The following RORA variants were observed in gnomAD, a reference collection of about 807,000 sequenced individuals.
RORA encodes the protein nuclear receptor ROR-alpha.
In RORA, 7 loss-of-function variants were observed where a neutral mutation model predicts 69.5. The ratio of observed to expected loss-of-function variants is 0.10; its 90% CI spans 0.06 to 0.19. The LOEUF (loss-of-function observed/expected upper bound fraction) is 0.19. Among genes scored for constraint, RORA ranks in the 10% least tolerant of loss-of-function variants. The probability of loss-of-function intolerance (pLI) is 1.00; values close to 1 mark genes in which losing one functional copy is unlikely to be tolerated. For missense variants in RORA, 457 were observed against 663.0 expected (o/e 0.69, Z 3.41); for synonymous variants, 261 against 240.8 (o/e 1.08, Z -0.78).
chr15:60,597,717 T>C (rs1046960674), intron 2 of RORA, among the ~76,000 whole-genome samples: 2 of 145,784 alleles, frequency 1.4e-5, no homozygotes, highest in Admixed American at 7.0e-5. Flanking sequence ...AGTTTCACAC[T>C]TGTCATTAGC....
chr15:60,589,955 G>A (rs1309340412), intron 2 of RORA, among the ~76,000 whole-genome samples: 1 of 152,150 alleles, frequency 6.6e-6, no homozygotes, highest in Non-Finnish European at 1.5e-5. Context: ...TATTAAAACT[G>A]AGAAGCAATA....
intron 1 of RORA, among the ~76,000 whole-genome samples, chr15:60,989,071 G>C (rs532125949): frequency 6.6e-6 from 1 of 152,272 alleles, no homozygotes; most frequent in East Asian, 1.9e-4. Context: ...TCAGGTGAAA[G>C]GTCCATCAGA....
intron 2 of RORA, chr15:60,627,427 C>A: frequency 6.2e-7 from 1 of 1,610,694 alleles, no homozygotes; most frequent in Admixed American, 1.7e-5. Flanking sequence ...TGCTTTGCCC[C>A]AGTGTACTAT....
intron 1 of RORA, among the ~76,000 whole-genome samples, chr15:60,998,807 T>A (rs1894653341): frequency 6.6e-6 from 1 of 152,160 alleles, no homozygotes; most frequent in African/African-American, 2.4e-5. Context: ...CACCTACCCC[T>A]CTGTAGAATC....
At chr15:61,034,914 G>C (rs1298909512) in intron 1 of RORA, among the ~76,000 whole-genome samples, 2 of 151,938 alleles carry the variant, frequency 1.3e-5, no homozygotes, top group Non-Finnish European at 2.9e-5. Context: ...CAGTTTTCTG[G>C]AGATTGTACT....
At chr15:60,855,534 T>C (rs2073370034) in intron 1 of RORA, among the ~76,000 whole-genome samples, 1 of 152,234 alleles carries the variant, frequency 6.6e-6, no homozygotes, top group Admixed American at 6.5e-5. Flanking sequence ...TTTGTGCAGG[T>C]AAAATGTGAC....
At chr15:61,152,195 T>C (rs143851146) in intron 1 of RORA, among the ~76,000 whole-genome samples, 1 of 152,168 alleles carries the variant, frequency 6.6e-6, no homozygotes, top group Non-Finnish European at 1.5e-5. Context: ...TAAATGAACG[T>C]TTTTCTGAAG....
Position 60,678,684 on chromosome 15 carries a change from T to A in RORA, c.169A>T (p.Ile57Phe). 1 of 1,612,016 alleles carries A rather than the reference T, an allele frequency of 6.2e-7. No individual in the cohort carries two copies. The highest frequency in any genetic ancestry group is 8.5e-7 in the Non-Finnish European group (1 of 1,178,078). ...RQSYSSTSRG[I>F]SVTKKTHTSQ... is the part of the protein sequence containing the mutation. ...GTATGTGTCTTCTTCGTTACTGAGA[T>A]ACCTGGAAGAGAAGAAACAATAACA... is the stretch of plus-strand genomic sequence containing the variant. Residue 57 changes from isoleucine (I) to phenylalanine (F), a missense_variant and splice_region_variant, in exon 2 of 11, where the codon ATC (isoleucine) becomes TTC (phenylalanine). This residue lies in a region of RORA where 119 missense variants were observed against 92.4 expected (regional missense o/e 1.29). Transcript: ENST00000335670.
intron 2 of RORA, among the ~76,000 whole-genome samples, chr15:60,671,163 A>G (rs562274471): frequency 6.7e-6 from 1 of 149,624 alleles, no homozygotes; most frequent in South Asian, 2.1e-4. Context: ...CAAAGAAACC[A>G]CTGTGTCCGG....
intron 2 of RORA, chr15:60,547,637 T>C (rs2067113571): frequency 6.6e-6 from 1 of 151,944 alleles, no homozygotes; most frequent in East Asian, 1.9e-4. Flanking sequence ...TTTTTTTTTT[T>C]TTTTAAGGAA....
intron 1 of RORA, among the ~76,000 whole-genome samples, chr15:60,703,113 G>A (rs1164478756): frequency 6.9e-6 from 1 of 145,572 alleles, no homozygotes; most frequent in Non-Finnish European, 1.5e-5. Context: ...GCAAGGAGAC[G>A]ATGCTTCAGA....
chr15:61,174,118 C>T (rs1287193424), intron 1 of RORA, among the ~76,000 whole-genome samples: 3 of 152,230 alleles, frequency 2.0e-5, no homozygotes, highest in Admixed American at 6.5e-5. Context: ...TACCTACTCT[C>T]TCAGCTTTCT....
At chr15:60,532,366 G>A (rs1488226524) in intron 2 of RORA, among the ~76,000 whole-genome samples, 1 of 152,156 alleles carries the variant, frequency 6.6e-6, no homozygotes, top group East Asian at 1.9e-4. Flanking sequence ...AATTAACGCA[G>A]TTGCCATGTG....
chr15:60,889,666 T>C (rs1408500682), intron 1 of RORA, among the ~76,000 whole-genome samples: 1 of 152,240 alleles, frequency 6.6e-6, no homozygotes, highest in Non-Finnish European at 1.5e-5. Context: ...AACTTAGATC[T>C]GGACGGCCTT....
intron 1 of RORA, among the ~76,000 whole-genome samples, chr15:60,762,623 TACTCCTACTATTACAAGGTGAGCCTACAC>T: frequency 6.6e-6 from 1 of 152,146 alleles, no homozygotes; most frequent in East Asian, 1.9e-4. Context: ...TACACATATT[TACTCCTACTATTACAAGGTGAGCCTACAC>T]ATGATCTAAA....
At chr15:60,769,279 A>C (rs1404353285) in intron 1 of RORA, among the ~76,000 whole-genome samples, 1 of 152,228 alleles carries the variant, frequency 6.6e-6, no homozygotes, top group African/African-American at 2.4e-5. Flanking sequence ...TGTCTCGATA[A>C]GCCTCTTGCA....
intron 1 of RORA, among the ~76,000 whole-genome samples, chr15:60,908,877 A>ATT (rs111534735): frequency 1.4e-5 from 2 of 145,726 alleles, no homozygotes; most frequent in African/African-American, 5.0e-5. Flanking sequence ...ATTTCATTTC[A>ATT]TTTTTTTTTT....
intron 1 of RORA, among the ~76,000 whole-genome samples, chr15:61,111,182 C>A (rs74020851): frequency 3.3e-5 from 5 of 152,180 alleles, no homozygotes; most frequent in African/African-American, 4.8e-5. Context: ...GGTGAAGGAA[C>A]AATAGCAGTA....
chr15:60,719,572 T>C (rs953403258), intron 1 of RORA, among the ~76,000 whole-genome samples: 2 of 152,218 alleles, frequency 1.3e-5, no homozygotes, highest in African/African-American at 4.8e-5. Flanking sequence ...CAGTAATTAA[T>C]GGCCAATCTT....
Sources: allele counts gnomAD v4.1 joint callset (sites outside exome capture counted in the v4.1 genomes callset), GRCh38; gene constraint gnomAD v4.1.1; regional missense constraint gnomAD v4.1.1; transcripts MANE v1.5; gene names NCBI Gene and HGNC (gene_info 2026-07-23, HGNC 2026-07-21).